The following SEMA3D variants were observed in gnomAD, a reference collection of about 807,000 sequenced individuals.
SEMA3D encodes semaphorin 3D.
Under a neutral mutation model 100.1 loss-of-function variants are expected in SEMA3D, and 84 were observed. That is an observed-to-expected ratio of 0.84 (90% CI 0.70 to 1.01). The LOEUF is 1.01. SEMA3D is among the 50% of genes least tolerant of loss of function. The pLI, the probability that SEMA3D is intolerant of heterozygous loss-of-function variation, is 0.00. For missense variants in SEMA3D, 875 were observed against 934.1 expected (o/e 0.94, Z 0.82); for synonymous variants, 312 against 320.7 (o/e 0.97, Z 0.29).
the SEMA3D span, among the ~76,000 whole-genome samples, chr7:85,208,848 C>T: frequency 6.6e-6 from 1 of 152,002 alleles, no homozygotes; most frequent in Non-Finnish European, 1.5e-5. Context: ...AAAGAAAATA[C>T]ACGCAATACT....
rs71082183 is a variant in SEMA3D at position 85,033,858 on chromosome 7, TACACAC to T, written c.1191+3025_1191+3030del. On this transcript the variant is annotated intron_variant, in intron 12 of 18. Transcript: ENST00000284136. ...GTTTTCCCAATTTTAATCACACACATACACACACACACACACACACACACACACACA... is the reference window on the plus strand; with the variant it reads ...GTTTTCCCAATTTTAATCACACACATACACACACACACACACACACACACA... 2.9e-3 allele frequency among the ~76,000 whole-genome samples: 404 copies of T among 141,182 alleles called. 1 individual carries two copies. The highest frequency in any genetic ancestry group is 0.014 in the Middle Eastern group (4 of 282). 92.6% of individuals were successfully genotyped at this position (141,182 alleles called of 152,430 possible).
In SEMA3D at chr7:84,999,207, A is replaced by G. The variant is rs1789582128; in HGVS notation, c.*233T>C. 2.0e-6 allele frequency: 1 copy of G among 511,918 alleles called. No individual in the cohort carries two copies. The highest frequency in any genetic ancestry group is 1.9e-5 in the African/African-American group (1 of 52,356). 31.7% of individuals were successfully genotyped at this position (511,918 alleles called of 1,614,324 possible). A position where few individuals can be genotyped will look rare whatever the true frequency, so the allele number is the denominator to read the frequency against. On this transcript the variant is annotated 3_prime_UTR_variant, in exon 19 of 19. Coordinates refer to ENST00000284136, the MANE Select transcript of SEMA3D (RefSeq NM_001384900.1). ...AAACATTTACAACTGTAAACCCCCT[A>G]TTTTTAGGATAATTCTTATACTTTG...
rs1222894091 is a variant in SEMA3D at position 84,995,989 on chromosome 7, TG to T, written c.*3450del. On this transcript the variant is annotated 3_prime_UTR_variant, in exon 19 of 19. Coordinates refer to ENST00000284136, the MANE Select transcript of SEMA3D (RefSeq NM_001384900.1). ...CACTTCAAATATCTTTTTTTTTTTT[TG>T]GTTTGTTTCTAAATTATCCATTCCC... The T allele has an allele frequency of 6.6e-6, 1 of 151,660 alleles. No homozygotes were observed. The highest frequency in any genetic ancestry group is 1.5e-5 in the Non-Finnish European group (1 of 67,818). 9.4% of individuals were successfully genotyped at this position (151,660 alleles called of 1,614,324 possible).
chr7:85,009,704 T>C (rs1217140949), intron 17 of SEMA3D, among the ~76,000 whole-genome samples: 1 of 151,770 alleles, frequency 6.6e-6, no homozygotes, highest in Non-Finnish European at 1.5e-5. Flanking sequence ...CTATGTGAGG[T>C]CTTTCTGATT....
At chr7:85,223,944 C>T in the SEMA3D span, among the ~76,000 whole-genome samples, 90 of 151,862 alleles carry the variant, frequency 5.9e-4, 1 homozygote, top group Admixed American at 1.2e-3. Context: ...AAGAACCACA[C>T]ACTACAATTC....
the SEMA3D span, among the ~76,000 whole-genome samples, chr7:85,201,589 A>T: frequency 6.6e-6 from 1 of 152,170 alleles, no homozygotes; most frequent in Non-Finnish European, 1.5e-5. Context: ...CTCAGTTAAG[A>T]GTGGTTTTGT....
chr7:85,095,355 T>C (rs1039722555), intron 4 of SEMA3D, among the ~76,000 whole-genome samples: 5 of 151,982 alleles, frequency 3.3e-5, no homozygotes, highest in East Asian at 1.9e-4. Flanking sequence ...TTCACATATA[T>C]TGCAAATTTT....
rs1391015039 is a variant in SEMA3D, at chr7:85,121,854, C to T, written c.38G>A (p.Ser13Asn). The change falls in exon 3 of 19, where the codon AGC becomes AAC. Residue 13 changes from serine (S) to asparagine (N), a missense_variant. Transcript: ENST00000284136. ...AGCAGGAAAAAGGTGAAAATCTTGG[C>T]TTCTGGCTTTAAGTCTTTCATCTTT... ...ANKDERLKAR[S>N]QDFHLFPALM... 6 of 1,601,228 alleles carry T rather than the reference C, an allele frequency of 3.7e-6. No homozygotes were observed. The highest frequency in any genetic ancestry group is 5.1e-6 in the Non-Finnish European group (6 of 1,170,790).
chr7:85,095,570 G>A (rs993461554), intron 4 of SEMA3D, among the ~76,000 whole-genome samples: 23 of 152,036 alleles, frequency 1.5e-4, no homozygotes, highest in African/African-American at 5.6e-4. Flanking sequence ...GAGGGGCACT[G>A]AGCCAATGAA....
At chr7:85,052,497 G>A (rs750341262) in intron 9 of SEMA3D, among the ~76,000 whole-genome samples, 12 of 151,604 alleles carry the variant, frequency 7.9e-5, no homozygotes, top group East Asian at 1.9e-4. Context: ...AAATAAAAAC[G>A]AAAAACAAAC....
At position 85,172,980 on chromosome 7, in the gene SEMA3D, T is replaced by A. The variant is rs1791125059; in HGVS notation, c.-173+13698A>T. On this transcript the variant is annotated intron_variant, in intron 1 of 18. Transcript: ENST00000284136. The stretch of plus-strand genomic sequence containing the variant: ...AAAAGATCCCAAGAGCAATACCTTT[T>A]TAGAAAAGGCATAAGGAACAAGGCA... 2.6e-5 allele frequency among the ~76,000 whole-genome samples: 4 copies of A among 152,026 alleles called. No individual in the cohort carries two copies. The South Asian group carries it at 8.3e-4, about 31-fold the overall frequency.
In SEMA3D at chr7:85,097,974, A is replaced by G. The variant is rs200723602; in HGVS notation, c.152-9T>C. 5.8e-4 allele frequency: 855 copies of G among 1,473,016 alleles called. 6 individuals carry two copies. The African/African-American group carries it at 0.011, about 19-fold the overall frequency. The allele number at this position is 1,473,016 out of a possible 1,614,324, so 91.2% of individuals were successfully genotyped here. A position where few individuals can be genotyped will look rare whatever the true frequency, so the allele number is the denominator to read the frequency against. ...ATTTGAAAGCAGCAAGTCTATGGAAAGCAAAAAAAGAAAAGAAAGGAGAAA... is the reference window on the plus strand; with the variant it reads ...ATTTGAAAGCAGCAAGTCTATGGAAGGCAAAAAAAGAAAAGAAAGGAGAAA... On this transcript the variant is annotated splice_polypyrimidine_tract_variant and intron_variant, in intron 3 of 18. Coordinates refer to ENST00000284136, the MANE Select transcript of SEMA3D (RefSeq NM_001384900.1).
the SEMA3D span, among the ~76,000 whole-genome samples, chr7:85,199,896 C>T: frequency 1.3e-5 from 2 of 152,138 alleles, no homozygotes; most frequent in African/African-American, 2.4e-5. Flanking sequence ...GGCAGGTGCG[C>T]TGTTCTCATG....
At chr7:85,088,006 A>G (rs1788276108) in intron 4 of SEMA3D, among the ~76,000 whole-genome samples, 1 of 152,134 alleles carries the variant, frequency 6.6e-6, no homozygotes, top group Non-Finnish European at 1.5e-5. Flanking sequence ...TTATGTAAAT[A>G]TAGTGTAAAC....
chr7:85,127,462 T>C (rs1224482357), intron 2 of SEMA3D, among the ~76,000 whole-genome samples: 1 of 152,006 alleles, frequency 6.6e-6, no homozygotes, highest in Non-Finnish European at 1.5e-5. Flanking sequence ...CAACAGAAAA[T>C]AATACAATTG....
At chr7:85,043,047 T>G (rs1790906520) in intron 9 of SEMA3D, among the ~76,000 whole-genome samples, 1 of 152,160 alleles carries the variant, frequency 6.6e-6, no homozygotes, top group African/African-American at 2.4e-5. Context: ...TAAACATCCA[T>G]GCAACATAAA....
At chr7:85,203,767 G>C in the SEMA3D span, among the ~76,000 whole-genome samples, 1 of 151,884 alleles carries the variant, frequency 6.6e-6, no homozygotes, top group Non-Finnish European at 1.5e-5. Flanking sequence ...GCCTGACAAA[G>C]AAGCAAGGAC....
At chr7:85,175,880 G>C (rs1245753885) in intron 1 of SEMA3D, among the ~76,000 whole-genome samples, 1 of 151,846 alleles carries the variant, frequency 6.6e-6, no homozygotes, top group Non-Finnish European at 1.5e-5. Flanking sequence ...AATATGTCAA[G>C]GATAAAGTTA....
intron 2 of SEMA3D, among the ~76,000 whole-genome samples, chr7:85,148,469 C>T (rs369026202): frequency 3.9e-5 from 6 of 152,074 alleles, no homozygotes; most frequent in African/African-American, 9.7e-5. Context: ...CTACTAACGT[C>T]CTTAGCTGAG....
Sources: allele counts gnomAD v4.1 joint callset (sites outside exome capture counted in the v4.1 genomes callset), GRCh38; gene constraint gnomAD v4.1.1; transcripts MANE v1.5; gene names NCBI Gene and HGNC (gene_info 2026-07-23, HGNC 2026-07-21).